TAOK1: variants seen among roughly 807,000 people sequenced by gnomAD.
TAOK1 encodes TAO kinase 1.
TAOK1 carries 21 observed loss-of-function variants against 138.3 expected under a neutral mutation model. That is an observed-to-expected ratio of 0.15 (90% confidence interval 0.11 to 0.22). TAOK1 has a LOEUF of 0.22. Ranked by LOEUF, TAOK1 falls within the 10% of genes least tolerant of loss-of-function variation. The pLI, the probability that TAOK1 is intolerant of heterozygous loss-of-function variation, is 1.00. For missense variants in TAOK1, 651 were observed against 1,227.7 expected (o/e 0.53, Z 7.02); for synonymous variants, 361 against 398.4 (o/e 0.91, Z 1.12).
In TAOK1 at chr17:29,543,631, G is replaced by A. The variant is rs1443560743; in HGVS notation, c.*609G>A. Reference sequence around the variant, plus strand: ...GAAATCCATGAACACATTGCTTCTCGGCCTTTTGGCTAAGATCAAGTGTAG... The same window carrying A: ...GAAATCCATGAACACATTGCTTCTCAGCCTTTTGGCTAAGATCAAGTGTAG... On this transcript the variant is annotated 3_prime_UTR_variant, in exon 20 of 20. Transcript: ENST00000261716. 3.9e-5 allele frequency: 6 copies of A among 152,524 alleles called. No homozygotes were observed. Among genetic ancestry groups the A allele is most frequent in the African/African-American group, 1.4e-4 (6 of 41,424 alleles). 9.4% of individuals were successfully genotyped at this position (152,524 alleles called of 1,614,324 possible).
chr17:29,529,049 G>A (rs531858888), intron 17 of TAOK1, among the ~76,000 whole-genome samples: 39 of 146,664 alleles, frequency 2.7e-4, no homozygotes, highest in African/African-American at 8.9e-4. Flanking sequence ...ATGGTTCACC[G>A]CAGCCTTGAA....
At chr17:29,453,629 T>G (rs1299433997) in intron 2 of TAOK1, among the ~76,000 whole-genome samples, 3 of 151,638 alleles carry the variant, frequency 2.0e-5, no homozygotes, top group Non-Finnish European at 4.4e-5. Flanking sequence ...CAGGCTGGAG[T>G]GCAGTGGTGC....
rs1343118900 is a variant in TAOK1 at position 29,522,405 on chromosome 17, C to T, written c.2034C>T (p.Ile678=). ...NTIQKMRCEL[I]RLQHQTELTN... ...TTCAGAAGATGCGCTGTGAGTTGAT[C>T]AGATTACAGCATCAAACTGAGCTCA... is the stretch of plus-strand genomic sequence containing the variant. Residue 678 remains isoleucine (I), a synonymous_variant, in exon 17 of 20, where the codon ATC becomes ATT. Coordinates refer to ENST00000261716, the MANE Select transcript of TAOK1 (RefSeq NM_020791.4). The T allele has an allele frequency of 1.2e-6, 2 of 1,614,122 alleles. No individual in the cohort carries two copies. The highest frequency in any genetic ancestry group is 1.7e-6 in the Non-Finnish European group (2 of 1,180,042).
chr17:29,402,289 T>A (rs1246544158), intron 1 of TAOK1, among the ~76,000 whole-genome samples: 3 of 152,072 alleles, frequency 2.0e-5, no homozygotes, highest in South Asian at 2.1e-4. Flanking sequence ...TGCAGAATTT[T>A]AAAAAAAGAA....
At chr17:29,441,948 T>C (rs548600033) in intron 1 of TAOK1, among the ~76,000 whole-genome samples, 1 of 152,110 alleles carries the variant, frequency 6.6e-6, no homozygotes, top group African/African-American at 2.4e-5. Flanking sequence ...ATTTGAGTCT[T>C]CTATCTTTTT....
chr17:29,540,623 T>C (rs144081906), intron 19 of TAOK1, among the ~76,000 whole-genome samples: 1,640 of 152,290 alleles, frequency 0.011, 38 homozygotes, highest in African/African-American at 0.037. Context: ...CAGGCTTGAG[T>C]GCAATGGTGC....
At chr17:29,457,473 T>C (rs1309404331) in intron 2 of TAOK1, among the ~76,000 whole-genome samples, 2 of 137,004 alleles carry the variant, frequency 1.5e-5, no homozygotes, top group African/African-American at 5.6e-5. Context: ...TGGCGTGATC[T>C]CGGCTCACTG....
At chr17:29,512,684 CT>C (rs34741008) in intron 15 of TAOK1, 51,183 of 135,796 alleles carry the variant, frequency 0.38, 10,045 homozygotes, top group Middle Eastern at 0.49. Context: ...CAGCTGACAA[CT>C]TTTTTTTTTT....
intron 3 of TAOK1, among the ~76,000 whole-genome samples, chr17:29,472,573 CT>C (rs34588170): frequency 0.49 from 54,642 of 111,652 alleles, 13,766 homozygotes; most frequent in African/African-American, 0.74. Context: ...TTCTTTCTTT[CT>C]TTTTTTTTTT....
intron 9 of TAOK1, 31 bp from the exon 10 acceptor site, chr17:29,491,753 T>C (rs1217744581): frequency 6.1e-6 from 9 of 1,469,912 alleles, no homozygotes; most frequent in Non-Finnish European, 6.7e-6. Flanking sequence ...GAAATAGCAA[T>C]GTGTTCACTT....
At chr17:29,479,360 A>G (rs1047079758) in intron 6 of TAOK1, among the ~76,000 whole-genome samples, 3 of 152,182 alleles carry the variant, frequency 2.0e-5, no homozygotes, top group Admixed American at 2.0e-4. Context: ...TAATAGAGTC[A>G]TTGTGAGTTA....
At chr17:29,495,025 A>G (rs1379246639) in intron 10 of TAOK1, among the ~76,000 whole-genome samples, 2 of 152,110 alleles carry the variant, frequency 1.3e-5, no homozygotes, top group Non-Finnish European at 2.9e-5. Context: ...TTTGTATTTG[A>G]TAAGGTGAAA....
intron 6 of TAOK1, among the ~76,000 whole-genome samples, chr17:29,479,131 G>A (rs2031005463): frequency 6.7e-6 from 1 of 148,466 alleles, no homozygotes; most frequent in African/African-American, 2.5e-5. Context: ...GGGTGACAGA[G>A]TGAAACTCTG....
chr17:29,420,539 G>A (rs1905399053), intron 1 of TAOK1, among the ~76,000 whole-genome samples: 1 of 149,118 alleles, frequency 6.7e-6, no homozygotes, highest in African/African-American at 2.5e-5. Context: ...TGTGAGGGTG[G>A]ATATCCTTGT....
chr17:29,498,944 G>A (rs2153028315), intron 12 of TAOK1, among the ~76,000 whole-genome samples: 1 of 151,742 alleles, frequency 6.6e-6, no homozygotes, highest in South Asian at 2.1e-4. Context: ...AAAAAGTTTG[G>A]AACATTTTTT....
intron 1 of TAOK1, among the ~76,000 whole-genome samples, chr17:29,395,848 T>TTG (rs59416574): frequency 6.9e-6 from 1 of 144,858 alleles, no homozygotes; most frequent in South Asian, 2.2e-4. Context: ...TTTTTTTTTT[T>TTG]GTAGAGATGG....
chr17:29,482,391 C>T, intron 8 of TAOK1, 103 bp downstream of exon 8: 1 of 913,018 alleles, frequency 1.1e-6, no homozygotes, highest in African/African-American at 1.7e-5. Flanking sequence ...TTAAATGTCA[C>T]TTTATAAGGG....
chr17:29,512,899 G>T (rs1019745079), intron 15 of TAOK1: 2 of 151,912 alleles, frequency 1.3e-5, no homozygotes, highest in African/African-American at 4.8e-5. Flanking sequence ...AGCCAGGATG[G>T]TCTCAATCTC....
chr17:29,515,575 C>T (rs867237330), intron 15 of TAOK1, among the ~76,000 whole-genome samples: 19 of 152,198 alleles, frequency 1.2e-4, no homozygotes, highest in African/African-American at 1.9e-4. Context: ...GTGGCTCACA[C>T]GTGTAATCCC....
Sources: allele counts gnomAD v4.1 joint callset (sites outside exome capture counted in the v4.1 genomes callset), GRCh38; gene constraint gnomAD v4.1.1; transcripts MANE v1.5; gene names NCBI Gene and HGNC (gene_info 2026-07-23, HGNC 2026-07-21).